WDFY3: variants seen among roughly 807,000 people sequenced by gnomAD.
The protein encoded by WDFY3 is WD repeat and FYVE domain containing 3, also known as WD repeat and FYVE domain-containing protein 3.
WDFY3 carries 66 observed loss-of-function variants against 409.6 expected under a neutral mutation model. The ratio of observed to expected loss-of-function variants is 0.16; its 90% CI spans 0.13 to 0.20. WDFY3 has a LOEUF of 0.20. Ranked by LOEUF, WDFY3 falls within the 10% of genes least tolerant of loss-of-function variation. The pLI, the probability that WDFY3 is intolerant of heterozygous loss-of-function variation, is 1.00. For synonymous variants in WDFY3, 1,521 were observed against 1,537.1 expected (o/e 0.99, Z 0.25); for missense variants, 3,031 against 4,298.1 (o/e 0.71, Z 8.24).
chr4:84,801,947 T>A, intron 16 of WDFY3, 83 bp from the exon 17 acceptor site: 3 of 1,400,702 alleles, frequency 2.1e-6, no homozygotes, highest in Middle Eastern at 3.9e-4. Context: ...GCATACCTTT[T>A]TAATTTTTTT....
intron 5 of WDFY3, 57 bp from the exon 6 acceptor site, chr4:84,841,320 C>G: frequency 6.8e-7 from 1 of 1,463,074 alleles, no homozygotes; most frequent in Non-Finnish European, 9.4e-7. Flanking sequence ...TAAAGAGGTT[C>G]TTCTTTAAAA....
chr4:84,678,490 A>G (rs1419559577), intron 65 of WDFY3, among the ~76,000 whole-genome samples: 1 of 152,208 alleles, frequency 6.6e-6, no homozygotes, highest in Non-Finnish European at 1.5e-5. Flanking sequence ...ATCTCGTTGA[A>G]GGAGACAAAC....
At chr4:84,925,307 C>CTAA (rs1769824383) in intron 2 of WDFY3, among the ~76,000 whole-genome samples, 1 of 152,144 alleles carries the variant, frequency 6.6e-6, no homozygotes, top group South Asian at 2.1e-4. Flanking sequence ...TAGTCACTAT[C>CTAA]TAATGCCCTG....
At chr4:84,807,190 G>T (rs553990300) in intron 15 of WDFY3, among the ~76,000 whole-genome samples, 1 of 152,004 alleles carries the variant, frequency 6.6e-6, no homozygotes, top group East Asian at 1.9e-4. Flanking sequence ...AAAAATACAC[G>T]ATATCAACTC....
intron 5 of WDFY3, among the ~76,000 whole-genome samples, chr4:84,842,844 G>C (rs567638685): frequency 2.0e-5 from 3 of 152,260 alleles, no homozygotes; most frequent in East Asian, 3.9e-4. Context: ...GTAGAAAGTA[G>C]AAAATAAGAT....
chr4:84,952,800 G>C (rs1262014679), intron 1 of WDFY3, among the ~76,000 whole-genome samples: 15 of 152,030 alleles, frequency 9.9e-5, no homozygotes. Flanking sequence ...AATTACATCT[G>C]TCATTAATGT....
intron 1 of WDFY3, among the ~76,000 whole-genome samples, chr4:84,947,812 G>C (rs966303928): frequency 4.0e-5 from 6 of 151,682 alleles, no homozygotes; most frequent in African/African-American, 1.5e-4. Flanking sequence ...CTTGAGCCTG[G>C]AAGGTAAAGG....
At chr4:84,876,450 C>T (rs1228027517) in intron 3 of WDFY3, among the ~76,000 whole-genome samples, 1 of 152,088 alleles carries the variant, frequency 6.6e-6, no homozygotes, top group Non-Finnish European at 1.5e-5. Flanking sequence ...GAACCTAACT[C>T]ATGGTGTTAT....
At chr4:84,943,828 A>G (rs1252333155) in intron 1 of WDFY3, among the ~76,000 whole-genome samples, 1 of 152,212 alleles carries the variant, frequency 6.6e-6, no homozygotes, top group East Asian at 1.9e-4. Context: ...AAGTCTTTAC[A>G]CTACCAGTCA....
At chr4:84,773,807 G>A (rs987184466) in intron 29 of WDFY3, among the ~76,000 whole-genome samples, 4 of 152,056 alleles carry the variant, frequency 2.6e-5, no homozygotes, top group Admixed American at 6.6e-5. Context: ...TGCAACCTCC[G>A]CCTCCCGGGT....
chr4:84,774,643 A>G (rs1745239192), intron 29 of WDFY3, among the ~76,000 whole-genome samples, 177 bp downstream of exon 29: 1 of 152,246 alleles, frequency 6.6e-6, no homozygotes, highest in Non-Finnish European at 1.5e-5. Context: ...GCTTTGCTCC[A>G]TCAAGGCAAG....
intron 3 of WDFY3, among the ~76,000 whole-genome samples, chr4:84,885,732 G>T (rs888568478): frequency 6.6e-6 from 1 of 152,192 alleles, no homozygotes; most frequent in Non-Finnish European, 1.5e-5. Context: ...GCACCTAATA[G>T]ATTAGCAACA....
intron 30 of WDFY3, among the ~76,000 whole-genome samples, chr4:84,772,088 G>T (rs1343762391): frequency 6.6e-6 from 1 of 152,030 alleles, no homozygotes; most frequent in African/African-American, 2.4e-5. Context: ...AGGTAGATGG[G>T]GTTGTATGGA....
intron 39 of WDFY3, among the ~76,000 whole-genome samples, chr4:84,739,876 A>G (rs1035421715): frequency 1.3e-5 from 2 of 152,146 alleles, no homozygotes; most frequent in Admixed American, 6.5e-5. Flanking sequence ...CACTGCATTG[A>G]GCTTCACTTT....
chr4:84,784,891 TACACAC>T lies in WDFY3; in HGVS notation c.4062+1082_4062+1087del, dbSNP rs1215135327. ...ATATATATATATATATATATATATA[TACACAC>T]ACACACACACACACACACACACATA... On this transcript the variant is annotated intron_variant, in intron 24 of 67. Coordinates refer to ENST00000295888, the MANE Select transcript of WDFY3 (RefSeq NM_014991.6). Among the ~76,000 whole-genome samples, 44 of 36,922 alleles carry T rather than the reference TACACAC, an allele frequency of 1.2e-3. No individual in the cohort carries two copies. In the East Asian group the frequency reaches 0.015, roughly 13 times the overall value. 24.2% of individuals were successfully genotyped at this position (36,922 alleles called of 152,430 possible).
At chr4:84,731,623 C>G (rs886343573) in intron 44 of WDFY3, among the ~76,000 whole-genome samples, 1 of 152,176 alleles carries the variant, frequency 6.6e-6, no homozygotes. Context: ...ATGAGCGTGT[C>G]TGTTTCGATT....
intron 37 of WDFY3, 50 bp downstream of exon 37, chr4:84,743,650 G>C (rs779031755): frequency 2.8e-6 from 4 of 1,422,510 alleles, no homozygotes; most frequent in Non-Finnish European, 3.8e-6. Context: ...TTGGGGCTTA[G>C]AGAGGAAAGT....
intron 54 of WDFY3, among the ~76,000 whole-genome samples, chr4:84,704,968 T>C (rs1231175805): frequency 1.3e-5 from 2 of 152,168 alleles, no homozygotes; most frequent in African/African-American, 4.8e-5. Context: ...ACATTAAACA[T>C]AATAAATAAC....
rs1028673609 is a variant in WDFY3, at chr4:84,944,526, T to C, written c.-225-12163A>G. On this transcript the variant is annotated intron_variant, in intron 1 of 67. Coordinates refer to ENST00000295888, the MANE Select transcript of WDFY3 (RefSeq NM_014991.6). ...CAGCCTGGGCGAGAGTCAGACCGTG[T>C]ATCAAAAAATAAACAGGCTGGGTGC... is the stretch of plus-strand genomic sequence containing the variant. 4.1e-5 allele frequency among the ~76,000 whole-genome samples: 6 copies of C among 147,606 alleles called. No individual in the cohort carries two copies. The East Asian group carries it at 1.2e-3, about 30-fold the overall frequency.
Sources: allele counts gnomAD v4.1 joint callset (sites outside exome capture counted in the v4.1 genomes callset), GRCh38; gene constraint gnomAD v4.1.1; transcripts MANE v1.5; gene names NCBI Gene and HGNC (gene_info 2026-07-23, HGNC 2026-07-21).